RLBP1: variants seen among roughly 807,000 people sequenced by gnomAD.
RLBP1 encodes the protein retinaldehyde binding protein 1, also known as retinaldehyde-binding protein 1.
RLBP1 carries 26 observed loss-of-function variants against 36.2 expected under a neutral mutation model. The ratio of observed to expected loss-of-function variants is 0.72; its 90% CI spans 0.53 to 1.00. The LOEUF (loss-of-function observed/expected upper bound fraction) is 1.00. RLBP1 is among the 50% of genes least tolerant of loss of function. The pLI is 0.00. For synonymous variants in RLBP1, 155 were observed against 156.2 expected (o/e 0.99, Z 0.06); for missense variants, 410 against 402.4 (o/e 1.02, Z -0.16).
Position 89,218,469 on chromosome 15 carries a change from C to T in RLBP1, c.141+96G>A. The stretch of plus-strand genomic sequence containing the variant: ...TCAGGTCCAGGATGATCTGGAGTGC[C>T]GAGGCTGGACCCTTTTCACAGGAGA... On this transcript the variant is annotated intron_variant, in intron 4 of 8. Coordinates refer to ENST00000268125, the MANE Select transcript of RLBP1 (RefSeq NM_000326.5). The surrounding 1 kb of genome is among the most constrained non-coding windows in gnomAD (Gnocchi z 4.6). 8 of 1,570,582 alleles carry T rather than the reference C, an allele frequency of 5.1e-6. No homozygotes were observed. Among genetic ancestry groups the T allele is most frequent in the Non-Finnish European group, 7.0e-6 (8 of 1,146,718 alleles).
rs766012571 is a variant in RLBP1, at chr15:89,211,868, G to A, written c.559C>T (p.Leu187=). 11 of 1,614,236 alleles carry A rather than the reference G, an allele frequency of 6.8e-6. No homozygotes were observed. The highest frequency in any genetic ancestry group is 1.1e-5 in the South Asian group (1 of 91,082). The change falls in exon 7 of 9, where the codon CTG becomes TTG. Residue 187 remains leucine, a synonymous_variant. Coordinates refer to ENST00000268125, the MANE Select transcript of RLBP1 (RefSeq NM_000326.5). The surrounding 1 kb of genome is among the most constrained non-coding windows in gnomAD (Gnocchi z 5.8). Reference sequence around the variant, plus strand: ...ATTTGAGTTTCCTCATTCTCCAGCAGCTTCTCCAGGATGAAGCAATATGCC... The same window carrying A: ...ATTTGAGTTTCCTCATTCTCCAGCAACTTCTCCAGGATGAAGCAATATGCC... The part of the protein sequence containing the change: ...LQAYCFILEK[L]LENEETQING...
intron 6 of RLBP1, 31 bp downstream of exon 6, chr15:89,215,029 C>T (rs1219262603): frequency 1.2e-6 from 2 of 1,612,388 alleles, no homozygotes; most frequent in East Asian, 4.5e-5. Flanking sequence ...ACCCAGCCCA[C>T]AGGGTGGGAG....
Position 89,210,179 on chromosome 15 carries a change from G to T in RLBP1, c.*106C>A. 1 of 1,360,160 alleles carries T rather than the reference G, an allele frequency of 7.4e-7. No individual in the cohort carries two copies. Among genetic ancestry groups the T allele is most frequent in the East Asian group, 2.3e-5 (1 of 43,762 alleles). The allele number at this position is 1,360,160 out of a possible 1,614,324, so 84.3% of individuals were successfully genotyped here. The stretch of plus-strand genomic sequence containing the variant: ...GCTCACTCGGGCTTAGGGAGTCTAA[G>T]GGGGGACCACAGTCATCTCAAGCAG... On this transcript the variant is annotated 3_prime_UTR_variant, in exon 9 of 9. Coordinates refer to ENST00000268125, the MANE Select transcript of RLBP1 (RefSeq NM_000326.5). This position sits in a 1 kb window ranked among gnomAD's most constrained non-coding sequence, Gnocchi z 4.7.
At chr15:89,217,621 T>C (rs1265333418) in intron 4 of RLBP1, among the ~76,000 whole-genome samples, 1 of 152,258 alleles carries the variant, frequency 6.6e-6, no homozygotes, top group Admixed American at 6.5e-5. Flanking sequence ...TTAAATGCAC[T>C]GTGTTTTTTA....
At chr15:89,215,388 C>T (rs1041113946) in intron 5 of RLBP1, 150 bp from the exon 6 acceptor site, 5 of 687,774 alleles carry the variant, frequency 7.3e-6, no homozygotes, top group African/African-American at 7.3e-5. Flanking sequence ...TGTTTCCTCT[C>T]CAAAAAATGG....
At position 89,218,850 on chromosome 15, in the gene RLBP1, G is replaced by A. The variant is rs2051604271; in HGVS notation, c.12+114C>T. The A allele has an allele frequency of 9.3e-6, 14 of 1,497,964 alleles. No homozygotes were observed. The highest frequency in any genetic ancestry group is 1.3e-5 in the Non-Finnish European group (14 of 1,084,580). The allele number at this position is 1,497,964 out of a possible 1,614,324, so 92.8% of individuals were successfully genotyped here. A position where few individuals can be genotyped will look rare whatever the true frequency, so the allele number is the denominator to read the frequency against. ...ACCCACACAGGGGTTATAGAAGTGT[G>A]TGCCTATATTCCCGGGCAGAGCATA... is the stretch of plus-strand genomic sequence containing the variant. On this transcript the variant is annotated intron_variant, in intron 3 of 8. Coordinates refer to ENST00000268125, the MANE Select transcript of RLBP1 (RefSeq NM_000326.5). The surrounding 1 kb of genome is among the most constrained non-coding windows in gnomAD (Gnocchi z 4.6).
chr15:89,221,295 C>T (rs1041716195), intron 1 of RLBP1, among the ~76,000 whole-genome samples: 1 of 152,166 alleles, frequency 6.6e-6, no homozygotes, highest in African/African-American at 2.4e-5. Context: ...AGGCGTGAGC[C>T]TAAATGTGAA....
intron 1 of RLBP1, among the ~76,000 whole-genome samples, chr15:89,221,268 C>G (rs1051089466): frequency 1.3e-5 from 2 of 152,180 alleles, no homozygotes; most frequent in African/African-American, 4.8e-5. Flanking sequence ...CTCGGCCTCC[C>G]AAAGTGCTGG....
rs766675673 is a variant in RLBP1 at position 89,217,133 on chromosome 15, A to C, written c.333T>G (p.Tyr111Ter). ...CACTGGCCTCACCTCTGAGCAGCTC[A>C]TAGGCACGGCCCACGTTGAACTTCC... ...RARKFNVGRA[Y>*]ELLRGYVNFR... is the part of the protein sequence containing the mutation. Residue 111 changes from tyrosine to a stop codon, truncating the protein, a stop_gained, in exon 5 of 9, where the codon TAT becomes TAG. Coordinates refer to ENST00000268125, the MANE Select transcript of RLBP1 (RefSeq NM_000326.5). LOFTEE classifies it high-confidence loss of function. The C allele has an allele frequency of 2.5e-6, 4 of 1,613,864 alleles. No homozygotes were observed. The highest frequency in any genetic ancestry group is 3.4e-6 in the Non-Finnish European group (4 of 1,179,942).
chr15:89,213,173 C>G (rs1272440193), intron 6 of RLBP1, among the ~76,000 whole-genome samples: 1 of 151,910 alleles, frequency 6.6e-6, no homozygotes, highest in African/African-American at 2.4e-5. Context: ...ATGGGAAAAC[C>G]CTAGAGGCAT....
Position 89,210,931 on chromosome 15 carries a change from TGGAGAAGGGCCCACTGAAGG to T in RLBP1, c.685-142_685-123del. The T allele has an allele frequency of 1.5e-6, 1 of 677,538 alleles. No homozygotes were observed. The highest frequency in any genetic ancestry group is 2.6e-6 in the Non-Finnish European group (1 of 380,008). 42.0% of individuals were successfully genotyped at this position (677,538 alleles called of 1,614,324 possible). On this transcript the variant is annotated intron_variant, in intron 7 of 8. Transcript: ENST00000268125. The surrounding 1 kb of genome is among the most constrained non-coding windows in gnomAD (Gnocchi z 4.7). The stretch of plus-strand genomic sequence containing the variant: ...CTTGTCCAGCATCACAGGGCTGCCC[TGGAGAAGGGCCCACTGAAGG>T]TCCTATTTCCAGGCCAGCAACTAGG...
At chr15:89,215,342 G>C in intron 5 of RLBP1, 104 bp from the exon 6 acceptor site, 1 of 1,127,752 alleles carries the variant, frequency 8.9e-7, no homozygotes, top group Non-Finnish European at 1.3e-6. Context: ...GGTCCTATGT[G>C]TGACCGAGCT....
chr15:89,212,533 C>T (rs2051546543), intron 6 of RLBP1, among the ~76,000 whole-genome samples: 1 of 146,660 alleles, frequency 6.8e-6, no homozygotes, highest in South Asian at 2.2e-4. Context: ...TGCAGTGAGC[C>T]GAGATCACGC....
At position 89,217,290 on chromosome 15, in the gene RLBP1, C is replaced by G; in HGVS notation, c.176G>C (p.Arg59Pro). The G allele has an allele frequency of 6.2e-7, 1 of 1,608,250 alleles. No homozygotes were observed. Among genetic ancestry groups the G allele is most frequent in the Non-Finnish European group, 8.5e-7 (1 of 1,180,002 alleles). ...KDELNEREETREEAVRELQEM... is the reference protein window; with the variant it reads ...KDELNEREETPEEAVRELQEM... Reference sequence around the variant, plus strand: ...CTGCAGCTCTCGCACTGCCTCCTCCCGGGTCTCCTCTCTCTCGTTCAGCTC... The same window carrying G: ...CTGCAGCTCTCGCACTGCCTCCTCCGGGGTCTCCTCTCTCTCGTTCAGCTC... The change falls in exon 5 of 9, where the codon CGG becomes CCG. Residue 59 changes from arginine to proline, a missense_variant. Physicochemically the swap from Arg to Pro is moderately radical, Grantham distance 103. Transcript: ENST00000268125.
chr15:89,213,745 T>C (rs2051556529), intron 6 of RLBP1, among the ~76,000 whole-genome samples: 1 of 152,240 alleles, frequency 6.6e-6, no homozygotes, highest in African/African-American at 2.4e-5. Context: ...CATTTGTGGA[T>C]AGGACAACTG....
chr15:89,217,212 G>A lies in RLBP1; in HGVS notation c.254C>T (p.Ala85Val), dbSNP rs1393804387. 6.8e-6 allele frequency: 11 copies of A among 1,613,070 alleles called. No individual in the cohort carries two copies. The highest frequency in any genetic ancestry group is 1.6e-4 in the Middle Eastern group (1 of 6,082). The change falls in exon 5 of 9, where the codon GCG becomes GTG. Residue 85 changes from alanine (A) to valine (V), a missense_variant. Ala to Val is a moderately conservative substitution (Grantham distance 64). Coordinates refer to ENST00000268125, the MANE Select transcript of RLBP1 (RefSeq NM_000326.5). ...ASGEELAVAV[A>V]ERVQEKDSGF... ...GCTGTCCTTCTCTTGCACCCTCTCCGCCACGGCCACCGCCAGCTCCTCCCC... is the reference window on the plus strand; with the variant it reads ...GCTGTCCTTCTCTTGCACCCTCTCCACCACGGCCACCGCCAGCTCCTCCCC...
At chr15:89,212,440 T>C (rs1020398146) in intron 6 of RLBP1, among the ~76,000 whole-genome samples, 3 of 151,638 alleles carry the variant, frequency 2.0e-5, no homozygotes, top group African/African-American at 7.3e-5. Flanking sequence ...AAAAATCAGC[T>C]GAGCATGGTG....
rs752797972 is a variant in RLBP1, at chr15:89,219,010, G to C, written c.-35C>G. ...GGAAGACACAGAGTCCTTGGAAAAA[G>C]AAGGGATCTGCTTTCTCTGTCCTGG... On this transcript the variant is annotated 5_prime_UTR_variant, in exon 3 of 9. Transcript: ENST00000268125. 3 of 1,613,990 alleles carry C rather than the reference G, an allele frequency of 1.9e-6. No individual in the cohort carries two copies. The African/African-American group carries it at 4.0e-5, about 22-fold the overall frequency.
At position 89,214,602 on chromosome 15, in the gene RLBP1, G is replaced by T. The variant is rs1328664701; in HGVS notation, c.525+458C>A. ...CCAACTTGGGGCAGCCCCCTTAACG[G>T]CTCAGACAAGCAAAATTGCGTACAC... On this transcript the variant is annotated intron_variant, in intron 6 of 8. Transcript: ENST00000268125. The surrounding 1 kb of genome is among the most constrained non-coding windows in gnomAD (Gnocchi z 4.6). Among the ~76,000 whole-genome samples, 1 of 148,634 alleles carries T rather than the reference G, an allele frequency of 6.7e-6. No individual in the cohort carries two copies. Among genetic ancestry groups the T allele is most frequent in the African/African-American group, 2.5e-5 (1 of 39,622 alleles).
Sources: gnomAD v4.1 joint callset for allele counts (sites outside exome capture counted in the v4.1 genomes callset) on GRCh38, gnomAD v4.1.1 for gene constraint, Gnocchi (gnomAD v3.1) non-coding constraint, MANE v1.5 for transcripts, NCBI Gene and HGNC (gene_info 2026-07-23, HGNC 2026-07-21) for gene names.